The following NCK2 variants were observed in gnomAD, a reference collection of about 807,000 sequenced individuals.
NCK2 encodes cytoplasmic protein NCK2.
NCK2 carries 16 observed loss-of-function variants against 33.9 expected under a neutral mutation model. The ratio of observed to expected loss-of-function variants is 0.47; its 90% CI spans 0.32 to 0.72. NCK2 has a LOEUF of 0.72. Among genes scored for constraint, NCK2 ranks in the 30% least tolerant of loss-of-function variants. The pLI is 0.03. For synonymous variants in NCK2, 273 were observed against 239.9 expected, an observed-to-expected ratio of 1.14 and a Z score of -1.27; for missense variants, 418 against 537.3, an observed-to-expected ratio of 0.78 and a Z score of 2.19.
At chr2:105,888,614 G>T (rs1333045581) in intron 4 of NCK2, among the ~76,000 whole-genome samples, 1 of 152,222 alleles carries the variant, frequency 6.6e-6, no homozygotes, top group South Asian at 2.1e-4. Context: ...GCTTCAGAAG[G>T]TGGAGCCTGA....
Position 105,892,969 on chromosome 2 carries a change from G to A in NCK2, c.949-13G>A. 6.3e-7 allele frequency: 1 copy of A among 1,599,734 alleles called. No homozygotes were observed. The highest frequency in any genetic ancestry group is 1.1e-5 in the South Asian group (1 of 90,370). On this transcript the variant is annotated splice_polypyrimidine_tract_variant and intron_variant, in intron 4 of 4. Transcript: ENST00000233154. The stretch of plus-strand genomic sequence containing the variant: ...TGTGGCCCGGCTGTAACTGTGTTCT[G>A]TTTCCTCCCCAGCCCAGCGACTTCT...
At chr2:105,808,356 T>G (rs1675164806) in intron 1 of NCK2, among the ~76,000 whole-genome samples, 1 of 152,246 alleles carries the variant, frequency 6.6e-6, no homozygotes, top group Non-Finnish European at 1.5e-5. Flanking sequence ...CCATGGACCC[T>G]GTAGAAAATC....
chr2:105,877,633 A>G (rs1678292574), intron 3 of NCK2, among the ~76,000 whole-genome samples: 2 of 152,192 alleles, frequency 1.3e-5, no homozygotes, highest in African/African-American at 4.8e-5. Flanking sequence ...TGGGCATGCA[A>G]GCAGGCAGGG....
At chr2:105,892,704 G>T (rs1679037166) in intron 4 of NCK2, among the ~76,000 whole-genome samples, 2 of 152,114 alleles carry the variant, frequency 1.3e-5, no homozygotes, top group African/African-American at 4.8e-5. Context: ...ATATTAGCCG[G>T]GCATGGTGGC....
chr2:105,860,313 CA>C (rs1481745997), intron 3 of NCK2, among the ~76,000 whole-genome samples: 1 of 152,066 alleles, frequency 6.6e-6, no homozygotes, highest in African/African-American at 2.4e-5. Context: ...AAAACAAAAA[CA>C]ACCATCAGAA....
chr2:105,819,393 G>T (rs191153918), intron 2 of NCK2, among the ~76,000 whole-genome samples: 1 of 151,680 alleles, frequency 6.6e-6, no homozygotes, highest in Non-Finnish European at 1.5e-5. Flanking sequence ...ATGCAGTCAT[G>T]TATCAATCCA....
At chr2:105,855,381 AGTCTGTTTT>A in intron 3 of NCK2, 92 bp downstream of exon 3, 14 of 1,041,664 alleles carry the variant, frequency 1.3e-5, no homozygotes, top group Non-Finnish European at 1.9e-5. Flanking sequence ...AAAAAAAAAA[AGTCTGTTTT>A]AAAAGTTAAT....
chr2:105,786,956 A>T (rs1690701176), intron 1 of NCK2, among the ~76,000 whole-genome samples: 1 of 152,202 alleles, frequency 6.6e-6, no homozygotes, highest in African/African-American at 2.4e-5. Context: ...GACCTGCGAA[A>T]CTTCAGCTGG....
intron 3 of NCK2, among the ~76,000 whole-genome samples, chr2:105,863,969 C>T (rs1422231480): frequency 4.1e-5 from 6 of 147,332 alleles, no homozygotes; most frequent in Admixed American, 2.7e-4. Context: ...TGAGACTTGG[C>T]GAGGGGGGGT....
At chr2:105,796,662 T>C (rs1436526848) in intron 1 of NCK2, among the ~76,000 whole-genome samples, 2 of 152,192 alleles carry the variant, frequency 1.3e-5, no homozygotes, top group African/African-American at 2.4e-5. Context: ...CGTAGTTTAG[T>C]GTTATTCCAG....
At position 105,881,713 on chromosome 2, in the gene NCK2, C is replaced by T; in HGVS notation, c.612C>T (p.Tyr204=). ...TGCTGCATGTGGTCCAGACGCTGTA[C>T]CCCTTCAGCTCAGTCACCGAGGAGG... ...SRVLHVVQTL[Y]PFSSVTEEEL... Residue 204 remains tyrosine, a synonymous_variant, in exon 4 of 5, where the codon TAC becomes TAT. Coordinates refer to ENST00000233154, the MANE Select transcript of NCK2 (RefSeq NM_003581.5). 1 of 1,614,196 alleles carries T rather than the reference C, an allele frequency of 6.2e-7. No homozygotes were observed. The highest frequency in any genetic ancestry group is 1.1e-5 in the South Asian group (1 of 91,086).
chr2:105,776,113 C>T (rs1035053428), intron 1 of NCK2, among the ~76,000 whole-genome samples: 4 of 152,118 alleles, frequency 2.6e-5, no homozygotes, highest in South Asian at 4.1e-4. Context: ...GGTGTGGGTG[C>T]GGAGCAGGCC....
rs768077646 is a variant in NCK2, at chr2:105,893,228, C to T, written c.*52C>T. 6.7e-7 allele frequency: 1 copy of T among 1,503,088 alleles called. No individual in the cohort carries two copies. Among genetic ancestry groups the T allele is most frequent in the Admixed American group, 2.1e-5 (1 of 47,120 alleles). 93.1% of individuals were successfully genotyped at this position (1,503,088 alleles called of 1,614,324 possible). A position where few individuals can be genotyped will look rare whatever the true frequency, so the allele number is the denominator to read the frequency against. On this transcript the variant is annotated 3_prime_UTR_variant, in exon 5 of 5. Transcript: ENST00000233154. Reference sequence around the variant, plus strand: ...CCGGGCCCCACGGTGGAGCTGCCCGCCCGGCCTTGTGGCAGAGGCTCCTCC... The same window carrying T: ...CCGGGCCCCACGGTGGAGCTGCCCGTCCGGCCTTGTGGCAGAGGCTCCTCC...
intron 1 of NCK2, among the ~76,000 whole-genome samples, chr2:105,806,739 C>A (rs1260838707): frequency 6.6e-6 from 1 of 152,096 alleles, no homozygotes; most frequent in African/African-American, 2.4e-5. Flanking sequence ...CAGTGCTTAT[C>A]AGAGGAAGAG....
intron 1 of NCK2, among the ~76,000 whole-genome samples, chr2:105,802,030 C>A (rs1338414873): frequency 6.6e-6 from 1 of 152,168 alleles, no homozygotes; most frequent in African/African-American, 2.4e-5. Context: ...TCCAGGAAGG[C>A]CTCAACTGCC....
At chr2:105,879,263 C>G (rs1678364321) in intron 3 of NCK2, among the ~76,000 whole-genome samples, 1 of 152,228 alleles carries the variant, frequency 6.6e-6, no homozygotes, top group Non-Finnish European at 1.5e-5. Context: ...CAGCGTAGCC[C>G]TCACGCCCCG....
chr2:105,756,725 G>T (rs550310827), intron 1 of NCK2, among the ~76,000 whole-genome samples: 1 of 152,190 alleles, frequency 6.6e-6, no homozygotes, highest in Non-Finnish European at 1.5e-5. Flanking sequence ...AAGTCCCCTC[G>T]TCCCTCAAAA....
intron 3 of NCK2, among the ~76,000 whole-genome samples, chr2:105,864,449 G>A (rs570674539): frequency 1.3e-5 from 2 of 152,244 alleles, no homozygotes; most frequent in East Asian, 3.9e-4. Flanking sequence ...AGGACCAACA[G>A]TGACCCAGAG....
Position 105,870,689 on chromosome 2 carries a change from A to G in NCK2, c.227-10639A>G, listed in dbSNP as rs145645674. ...AGAATCGCTTGAACCTGGGAGGCGG[A>G]GGTTGCAGCCAAGATCGCGCCACCT... On this transcript the variant is annotated intron_variant, in intron 3 of 4. Transcript: ENST00000233154. Among the ~76,000 whole-genome samples, 648 of 152,266 alleles carry G rather than the reference A, an allele frequency of 4.3e-3. 2 individuals are homozygous for G. Among genetic ancestry groups the G allele is most frequent in the African/African-American group, 0.014 (589 of 41,546 alleles).
Sources: allele counts gnomAD v4.1 joint callset (sites outside exome capture counted in the v4.1 genomes callset), GRCh38; gene constraint gnomAD v4.1.1; transcripts MANE v1.5; gene names NCBI Gene and HGNC (gene_info 2026-07-23, HGNC 2026-07-21).